Variants in PARP16 observed in about 807,000 individuals in gnomAD.
PARP16 encodes protein mono-ADP-ribosyltransferase PARP16.
Under a neutral mutation model 35.0 loss-of-function variants are expected in PARP16, and 31 were observed. That is an observed-to-expected ratio of 0.88 (90% confidence interval 0.66 to 1.19). The LOEUF (loss-of-function observed/expected upper bound fraction) is 1.19, where lower values mean the gene tolerates loss of function less well. Among genes scored for constraint, PARP16 ranks in the 50% most tolerant of loss-of-function variants. The pLI, the probability that PARP16 is intolerant of heterozygous loss-of-function variation, is 0.00. For missense variants in PARP16, 424 were observed against 411.2 expected (o/e 1.03, Z -0.27); for synonymous variants, 162 against 169.5 (o/e 0.96, Z 0.34).
Position 65,259,555 on chromosome 15 carries a change from G to T in PARP16, c.834-13C>A. On this transcript the variant is annotated splice_polypyrimidine_tract_variant and intron_variant, in intron 5 of 5. Transcript: ENST00000649807. ...CTGGCTCGAAGCCCTGCTTAAGAGG[G>T]AAAAAAGAGTGGTGTTGGCAAAAAG... The T allele has an allele frequency of 6.2e-7, 1 of 1,607,586 alleles. No individual in the cohort carries two copies. Among genetic ancestry groups the T allele is most frequent in the Non-Finnish European group, 8.5e-7 (1 of 1,177,870 alleles).
rs561559170 is a variant in PARP16 at position 65,261,753 on chromosome 15, C to T, written c.692-727G>A. On this transcript the variant is annotated intron_variant, in intron 4 of 5. Coordinates refer to ENST00000649807, the MANE Select transcript of PARP16 (RefSeq NM_001316943.2). ...GATTACAGGCATGAGCCACCACACCCGGCCTTAACAGGCATTTTAAATGAA... is the reference window on the plus strand; with the variant it reads ...GATTACAGGCATGAGCCACCACACCTGGCCTTAACAGGCATTTTAAATGAA... Among the ~76,000 whole-genome samples, 62 of 152,260 alleles carry T rather than the reference C, an allele frequency of 4.1e-4. 2 individuals carry two copies. In the South Asian group the frequency reaches 0.01, roughly 25 times the overall value.
intron 1 of PARP16, among the ~76,000 whole-genome samples, chr15:65,275,864 T>C (rs2090238070): frequency 6.6e-6 from 1 of 152,204 alleles, no homozygotes; most frequent in African/African-American, 2.4e-5. Flanking sequence ...CTGAGTCATC[T>C]TCTCTCCAAA....
intron 1 of PARP16, chr15:65,285,398 C>T: frequency 5.0e-6 from 1 of 201,730 alleles, no homozygotes; most frequent in Non-Finnish European, 1.0e-5. Flanking sequence ...CTTGGCCTCC[C>T]AAAGTGCTGG....
At chr15:65,273,750 C>A (rs1157010452) in intron 1 of PARP16, among the ~76,000 whole-genome samples, 1 of 151,906 alleles carries the variant, frequency 6.6e-6, no homozygotes, top group Non-Finnish European at 1.5e-5. Flanking sequence ...GTGGCACATG[C>A]CTGTAATTCC....
intron 1 of PARP16, among the ~76,000 whole-genome samples, chr15:65,273,884 A>C (rs1308388528): frequency 6.6e-6 from 1 of 151,378 alleles, no homozygotes; most frequent in Non-Finnish European, 1.5e-5. Context: ...TTCAAAAAAA[A>C]AAAAAACAAA....
At chr15:65,238,114 T>C (rs1292101542) in intron 3 of PARP16, among the ~76,000 whole-genome samples, 1 of 152,056 alleles carries the variant, frequency 6.6e-6, no homozygotes, top group African/African-American at 2.4e-5. Context: ...GGTGAAACCC[T>C]GCCTCTACTA....
intron 2 of PARP16, among the ~76,000 whole-genome samples, chr15:65,267,810 C>T (rs2089956707): frequency 6.7e-6 from 1 of 149,326 alleles, no homozygotes; most frequent in Admixed American, 6.7e-5. Flanking sequence ...CTGCCTCAGC[C>T]TCCGGAGTAG....
chr15:65,274,493 G>C (rs1303626584), intron 1 of PARP16, among the ~76,000 whole-genome samples: 1 of 151,516 alleles, frequency 6.6e-6, no homozygotes. Context: ...AGGATCGCTA[G>C]AGCCTGGGAG....
intron 1 of PARP16, among the ~76,000 whole-genome samples, chr15:65,285,147 T>G (rs1006019626): frequency 2.6e-5 from 4 of 151,470 alleles, no homozygotes; most frequent in Non-Finnish European, 5.9e-5. Flanking sequence ...CAGGTTTTTT[T>G]TTTTTTTTTA....
intron 2 of PARP16, among the ~76,000 whole-genome samples, chr15:65,269,176 T>TTCTC (rs1555423773): frequency 6.8e-6 from 1 of 146,054 alleles, no homozygotes; most frequent in South Asian, 2.2e-4. Context: ...TAGTCGGTTT[T>TTCTC]TTTCTTTCTT....
rs2089908495 is a variant in PARP16, at chr15:65,266,832, C to T, written c.313-64G>A. 5.1e-6 allele frequency: 6 copies of T among 1,172,554 alleles called. No individual in the cohort carries two copies. The South Asian group carries it at 5.2e-5, about 10-fold the overall frequency. 72.6% of individuals were successfully genotyped at this position (1,172,554 alleles called of 1,614,324 possible). A position where few individuals can be genotyped will look rare whatever the true frequency, so the allele number is the denominator to read the frequency against. On this transcript the variant is annotated intron_variant, in intron 2 of 5. Transcript: ENST00000649807. ...GCTGGTAAATGTGCTGCAAAAATAG[C>T]CCCCTAAACTCTCAGGCTTAACTCC...
At chr15:65,269,241 G>A (rs1595701231) in intron 2 of PARP16, among the ~76,000 whole-genome samples, 1 of 142,876 alleles carries the variant, frequency 7.0e-6, no homozygotes, top group Admixed American at 7.2e-5. Context: ...CTGTTGCCCC[G>A]GCTGGAGTGC....
downstream of PARP16, chr15:65,257,980 T>C (rs866998056): frequency 1.3e-5 from 2 of 152,166 alleles, no homozygotes; most frequent in Non-Finnish European, 2.9e-5. Context: ...CCTGGTGATA[T>C]ATGCTCTCCA....
Position 65,244,193 on chromosome 15 carries a change from G to C in PARP16, c.*97+3924C>G, listed in dbSNP as rs138437265. ...TTCCCTGACTTTTGTTATATCCAGGGGATGGCCTGCTGGATACTATCTCCC... is the reference window on the plus strand; with the variant it reads ...TTCCCTGACTTTTGTTATATCCAGGCGATGGCCTGCTGGATACTATCTCCC... On this transcript the variant is annotated intron_variant and NMD_transcript_variant, in intron 3 of 3. Coordinates refer to the PARP16 transcript ENST00000559805. Among the ~76,000 whole-genome samples the C allele has an allele frequency of 2.6e-3, 394 of 152,114 alleles. 2 individuals are homozygous for C. The highest frequency in any genetic ancestry group is 9.1e-3 in the African/African-American group (376 of 41,492).
rs569009867 is a variant in PARP16 at position 65,259,280 on chromosome 15, A to G, written c.*127T>C. The G allele has an allele frequency of 2.1e-5, 18 of 841,392 alleles. No individual in the cohort carries two copies. Among genetic ancestry groups the G allele is most frequent in the Admixed American group, 1.3e-4 (6 of 47,902 alleles). The allele number at this position is 841,392 out of a possible 1,614,324, so 52.1% of individuals were successfully genotyped here. ...GCAATGGATACATTTAGGCCATATG[A>G]AAATTGTCCTGTGGTCCCCCAACTG... On this transcript the variant is annotated 3_prime_UTR_variant, in exon 6 of 6. Coordinates refer to ENST00000649807, the MANE Select transcript of PARP16 (RefSeq NM_001316943.2).
chr15:65,272,761 T>G (rs1477675192), intron 1 of PARP16, among the ~76,000 whole-genome samples: 1 of 152,196 alleles, frequency 6.6e-6, no homozygotes, highest in Non-Finnish European at 1.5e-5. Context: ...CAGATCTCAG[T>G]TGGAATCTCT....
At chr15:65,248,099 C>G (rs113977530) in intron 3 of PARP16, 3 of 450,534 alleles carry the variant, frequency 6.7e-6, no homozygotes, top group African/African-American at 4.0e-5. Flanking sequence ...CCACCGCTCC[C>G]GGCCGGATTG....
intron 3 of PARP16, among the ~76,000 whole-genome samples, chr15:65,236,987 G>GAAAAAAAAAAAAAAAAAAAA: frequency 7.2e-6 from 1 of 139,148 alleles, no homozygotes. Flanking sequence ...AAAAAAAAAA[G>GAAAAAAAAAAAAAAAAAAAA]AAAAAAAAAA....
At position 65,286,719 on chromosome 15, in the gene PARP16, G is replaced by A. The variant is rs1301488604; in HGVS notation, c.-293C>T. 4 of 387,846 alleles carry A rather than the reference G, an allele frequency of 1.0e-5. No homozygotes were observed. The highest frequency in any genetic ancestry group is 1.4e-5 in the Non-Finnish European group (3 of 216,040). The allele number at this position is 387,846 out of a possible 1,614,324, so 24.0% of individuals were successfully genotyped here. A position where few individuals can be genotyped will look rare whatever the true frequency, so the allele number is the denominator to read the frequency against. ...AGGAACTGGGGCTGGTGGGGGGGAG[G>A]GGTTCCCGGCCTAGGGGAAGGGCTA... On this transcript the variant is annotated 5_prime_UTR_variant, in exon 1 of 6. Coordinates refer to ENST00000649807, the MANE Select transcript of PARP16 (RefSeq NM_001316943.2).
Sources: gnomAD v4.1 joint callset for allele counts (sites outside exome capture counted in the v4.1 genomes callset) on GRCh38, gnomAD v4.1.1 for gene constraint, MANE v1.5 for transcripts, NCBI Gene and HGNC (gene_info 2026-07-23, HGNC 2026-07-21) for gene names.